SERPINB9: variants seen among roughly 807,000 people sequenced by gnomAD.
SERPINB9 encodes the protein serpin B9.
SERPINB9 carries 20 observed loss-of-function variants against 27.2 expected under a neutral mutation model. The ratio of observed to expected loss-of-function variants is 0.74; its 90% CI spans 0.52 to 1.07. SERPINB9 has a LOEUF of 1.07. Ranked by LOEUF, SERPINB9 falls within the 50% of genes least tolerant of loss-of-function variation. The probability of loss-of-function intolerance (pLI) is 0.00; values close to 1 mark genes in which losing one functional copy is unlikely to be tolerated. For missense variants in SERPINB9, 476 were observed against 460.1 expected, an observed-to-expected ratio of 1.03 and a Z score of -0.32; for synonymous variants, 189 against 180.0, an observed-to-expected ratio of 1.05 and a Z score of -0.40.
intron 2 of SERPINB9, among the ~76,000 whole-genome samples, chr6:2,898,015 G>A (rs921579070): frequency 5.9e-5 from 9 of 152,000 alleles, no homozygotes; most frequent in Admixed American, 3.3e-4. Flanking sequence ...GTTGGAGGTC[G>A]TAGTGAGCTG....
At chr6:2,893,020 CCT>C (rs1397192220) in intron 5 of SERPINB9, among the ~76,000 whole-genome samples, 1 of 147,800 alleles carries the variant, frequency 6.8e-6, no homozygotes, top group East Asian at 2.0e-4. Context: ...CCCTATACTG[CCT>C]CTCACTCCCA....
In SERPINB9 at chr6:2,896,086, C is replaced by A. The variant is rs1390130524; in HGVS notation, c.273G>T (p.Arg91Ser). 6.2e-7 allele frequency: 1 copy of A among 1,613,618 alleles called. No homozygotes were observed. The highest frequency in any genetic ancestry group is 1.3e-5 in the African/African-American group (1 of 74,888). The part of the protein sequence containing the change: ...GTQYLLRTAN[R>S]LFGEKTCQFL... ...ACTGACAAGTTTTCTCTCCAAAGAGCCTGTTGGCCGTTCTCAGCAGGTACT... is the reference window on the plus strand; with the variant it reads ...ACTGACAAGTTTTCTCTCCAAAGAGACTGTTGGCCGTTCTCAGCAGGTACT... The change falls in exon 3 of 7, where the codon AGG (arginine) becomes AGT (serine). Residue 91 changes from arginine (R) to serine (S), a missense_variant. By Grantham distance (110) the Arg-to-Ser change is moderately radical. Coordinates refer to ENST00000380698, the MANE Select transcript of SERPINB9 (RefSeq NM_004155.6).
In SERPINB9 at chr6:2,887,472, C is replaced by T. The variant is rs1253409153; in HGVS notation, c.*2691G>A. The T allele has an allele frequency of 2.0e-5, 3 of 152,184 alleles. No individual in the cohort carries two copies. The highest frequency in any genetic ancestry group is 4.4e-5 in the Non-Finnish European group (3 of 68,026). 9.4% of individuals were successfully genotyped at this position (152,184 alleles called of 1,614,324 possible). A position where few individuals can be genotyped will look rare whatever the true frequency, so the allele number is the denominator to read the frequency against. ...CAAGAGCCAATAAATGCATAGAACA[C>T]TTTCACCACTAATAAAAGAAATGCA... On this transcript the variant is annotated 3_prime_UTR_variant, in exon 7 of 7. Transcript: ENST00000380698.
Position 2,887,351 on chromosome 6 carries a change from T to C in SERPINB9, c.*2812A>G, listed in dbSNP as rs1251513576. On this transcript the variant is annotated 3_prime_UTR_variant, in exon 7 of 7. Transcript: ENST00000380698. ...GGCAATACAAGAATGAGAGAAAATATAAAACAGAGGGATAATATCTTTAAT... is the reference window on the plus strand; with the variant it reads ...GGCAATACAAGAATGAGAGAAAATACAAAACAGAGGGATAATATCTTTAAT... 6.6e-6 allele frequency: 1 copy of C among 151,908 alleles called. No individual in the cohort carries two copies. Among genetic ancestry groups the C allele is most frequent in the Non-Finnish European group, 1.5e-5 (1 of 67,956 alleles). 9.4% of individuals were successfully genotyped at this position (151,908 alleles called of 1,614,324 possible).
intron 2 of SERPINB9, among the ~76,000 whole-genome samples, chr6:2,898,668 G>C (rs1475699139): frequency 6.6e-6 from 1 of 152,034 alleles, no homozygotes; most frequent in Non-Finnish European, 1.5e-5. Context: ...ATAAAAATTA[G>C]CTGGGCGTGG....
chr6:2,898,566 C>T (rs1303574188), intron 2 of SERPINB9, among the ~76,000 whole-genome samples: 3 of 152,264 alleles, frequency 2.0e-5, no homozygotes, highest in Non-Finnish European at 2.9e-5. Context: ...GCCTGTAATC[C>T]CAGCACTTTG....
At chr6:2,901,972 G>C (rs1188958787) in intron 1 of SERPINB9, among the ~76,000 whole-genome samples, 10 of 152,016 alleles carry the variant, frequency 6.6e-5, no homozygotes, top group East Asian at 1.9e-4. Flanking sequence ...CTCAGAAAGC[G>C]GTGTCTTAAT....
Position 2,890,635 on chromosome 6 carries a change from TCA to T in SERPINB9, c.724-67_724-66del. On this transcript the variant is annotated intron_variant, in intron 6 of 6. Transcript: ENST00000380698. The surrounding 1 kb of genome is among the most constrained non-coding windows in gnomAD (Gnocchi z 6.2). Reference sequence around the variant, plus strand: ...TGCACATGTACAAGCGCACAGGCACTCACAGTTCCCTTCCTCCCCTTGCACGT... The same window carrying T: ...TGCACATGTACAAGCGCACAGGCACTCAGTTCCCTTCCTCCCCTTGCACGT... 6.8e-7 allele frequency: 1 copy of T among 1,463,972 alleles called. No individual in the cohort carries two copies. Among genetic ancestry groups the T allele is most frequent in the Non-Finnish European group, 9.3e-7 (1 of 1,072,042 alleles). The allele number at this position is 1,463,972 out of a possible 1,614,324, so 90.7% of individuals were successfully genotyped here.
chr6:2,889,977 C>A lies in SERPINB9; in HGVS notation c.*186G>T. On this transcript the variant is annotated 3_prime_UTR_variant, in exon 7 of 7. Coordinates refer to ENST00000380698, the MANE Select transcript of SERPINB9 (RefSeq NM_004155.6). ...CATTATGGTCTATTTTCTCAAGATT[C>A]TGATTAAGTAGCATAAGCGAGTGTG... The A allele has an allele frequency of 2.0e-6, 1 of 499,066 alleles. No homozygotes were observed. The highest frequency in any genetic ancestry group is 3.5e-6 in the Non-Finnish European group (1 of 286,128). 30.9% of individuals were successfully genotyped at this position (499,066 alleles called of 1,614,324 possible). A position where few individuals can be genotyped will look rare whatever the true frequency, so the allele number is the denominator to read the frequency against.
At chr6:2,893,902 T>G (rs1284777761) in intron 4 of SERPINB9, among the ~76,000 whole-genome samples, 1 of 152,096 alleles carries the variant, frequency 6.6e-6, no homozygotes, top group East Asian at 1.9e-4. Context: ...GATCCAACCC[T>G]TCATGATCAC....
chr6:2,896,156 C>T lies in SERPINB9; in HGVS notation c.203G>A (p.Arg68Gln), dbSNP rs143654113. ...TTCAGTGAGAAGCGACTGGAAAGCC[C>T]GATGAATGTCTTCCTCTGTGTTTAA... ...LSLNTEEDIH[R>Q]AFQSLLTEVN... The change falls in exon 3 of 7, where the codon CGG (arginine) becomes CAG (glutamine). Residue 68 changes from arginine (R) to glutamine (Q), a missense_variant. Physicochemically the swap from Arg to Gln is conservative, Grantham distance 43. Coordinates refer to ENST00000380698, the MANE Select transcript of SERPINB9 (RefSeq NM_004155.6). 1.1e-5 allele frequency: 17 copies of T among 1,613,800 alleles called. No individual in the cohort carries two copies. The African/African-American group carries it at 1.1e-4, about 10-fold the overall frequency.
intron 1 of SERPINB9, among the ~76,000 whole-genome samples, chr6:2,902,860 G>A (rs1299457185): frequency 2.6e-5 from 4 of 152,196 alleles, no homozygotes; most frequent in African/African-American, 7.2e-5. Context: ...CAGGACAGAC[G>A]TCATCCTGCG....
chr6:2,891,657 G>A lies in SERPINB9; in HGVS notation c.723+176C>T, dbSNP rs2113600100. ...TGAGATGTGTAGTTTGGCAGATCAC[G>A]CAGACAATATTGGGAAAAGTCAGCC... On this transcript the variant is annotated intron_variant, in intron 6 of 6. Coordinates refer to ENST00000380698, the MANE Select transcript of SERPINB9 (RefSeq NM_004155.6). This position sits in a 1 kb window ranked among gnomAD's most constrained non-coding sequence, Gnocchi z 4.0. Among the ~76,000 whole-genome samples, 1 of 152,252 alleles carries A rather than the reference G, an allele frequency of 6.6e-6. No individual in the cohort carries two copies. The highest frequency in any genetic ancestry group is 2.1e-4 in the South Asian group (1 of 4,828).
chr6:2,891,010 C>T lies in SERPINB9; in HGVS notation c.724-440G>A, dbSNP rs887982460. Among the ~76,000 whole-genome samples the T allele has an allele frequency of 2.0e-5, 3 of 152,140 alleles. No homozygotes were observed. The highest frequency in any genetic ancestry group is 7.2e-5 in the African/African-American group (3 of 41,422). ...CCCAGGTGAGATTCTGCATAGTTTC[C>T]GGAGCAGAGAGGTTACCAGAGGATT... On this transcript the variant is annotated intron_variant, in intron 6 of 6. Coordinates refer to ENST00000380698, the MANE Select transcript of SERPINB9 (RefSeq NM_004155.6). The surrounding 1 kb of genome is among the most constrained non-coding windows in gnomAD (Gnocchi z 4.0).
chr6:2,888,503 A>C lies in SERPINB9; in HGVS notation c.*1660T>G, dbSNP rs2113591874. 2 of 152,370 alleles carry C rather than the reference A, an allele frequency of 1.3e-5. 1 individual carries two copies. The highest frequency in any genetic ancestry group is 1.3e-4 in the Admixed American group (2 of 15,310). 9.4% of individuals were successfully genotyped at this position (152,370 alleles called of 1,614,324 possible). A position where few individuals can be genotyped will look rare whatever the true frequency, so the allele number is the denominator to read the frequency against. On this transcript the variant is annotated 3_prime_UTR_variant, in exon 7 of 7. Transcript: ENST00000380698. Reference sequence around the variant, plus strand: ...ACACATAATACAATTTTATTTGGCCATAAAAATGAAGTGTTGATACATGCT... The same window carrying C: ...ACACATAATACAATTTTATTTGGCCCTAAAAATGAAGTGTTGATACATGCT...
At chr6:2,899,153 T>C (rs1456810530) in intron 2 of SERPINB9, among the ~76,000 whole-genome samples, 1 of 152,078 alleles carries the variant, frequency 6.6e-6, no homozygotes, top group Admixed American at 6.6e-5. Flanking sequence ...TCAAAAAAGC[T>C]TTCTATAAGG....
chr6:2,902,051 C>G (rs1041924412), intron 1 of SERPINB9, among the ~76,000 whole-genome samples: 4 of 152,168 alleles, frequency 2.6e-5, no homozygotes, highest in African/African-American at 7.2e-5. Flanking sequence ...TCAAAGCCAC[C>G]TTGTTAAAAC....
At position 2,887,510 on chromosome 6, in the gene SERPINB9, A is replaced by G. The variant is rs1383804231; in HGVS notation, c.*2653T>C. ...TAAAAGAAATGCAATAAGTATCTGC[A>G]TATGATACATAATGTTGCAGATGTT... On this transcript the variant is annotated 3_prime_UTR_variant, in exon 7 of 7. Coordinates refer to ENST00000380698, the MANE Select transcript of SERPINB9 (RefSeq NM_004155.6). 1.3e-5 allele frequency: 2 copies of G among 152,246 alleles called. No homozygotes were observed. Among genetic ancestry groups the G allele is most frequent in the African/African-American group, 2.4e-5 (1 of 41,462 alleles). 9.4% of individuals were successfully genotyped at this position (152,246 alleles called of 1,614,324 possible). A position where few individuals can be genotyped will look rare whatever the true frequency, so the allele number is the denominator to read the frequency against.
chr6:2,897,189 G>C (rs1768030257), intron 2 of SERPINB9, among the ~76,000 whole-genome samples: 3 of 152,090 alleles, frequency 2.0e-5, no homozygotes. Context: ...TTCTAGGCTG[G>C]GCACAGTGGC....
Sources: gnomAD v4.1 joint callset for allele counts (sites outside exome capture counted in the v4.1 genomes callset) on GRCh38, gnomAD v4.1.1 for gene constraint, Gnocchi (gnomAD v3.1) non-coding constraint, MANE v1.5 for transcripts, NCBI Gene and HGNC (gene_info 2026-07-23, HGNC 2026-07-21) for gene names.